Variants in MGRN1 observed in about 807,000 individuals in gnomAD.
MGRN1 encodes mahogunin ring finger 1.
MGRN1 carries 29 observed loss-of-function variants against 69.2 expected under a neutral mutation model. The observed-to-expected ratio is 0.42, with a 90% confidence interval of 0.31 to 0.57. The LOEUF is 0.57. Among genes scored for constraint, MGRN1 ranks in the 20% least tolerant of loss-of-function variants. The pLI is 0.15. For missense variants in MGRN1, 998 were observed against 796.2 expected (o/e 1.25, Z -3.05); for synonymous variants, 470 against 344.2 (o/e 1.37, Z -4.04).
intron 7 of MGRN1, among the ~76,000 whole-genome samples, chr16:4,665,784 C>G (rs1340577584): frequency 6.6e-6 from 1 of 151,872 alleles, no homozygotes; most frequent in Non-Finnish European, 1.5e-5. Flanking sequence ...ATTCTCCTGC[C>G]TCAGCCTCCA....
At chr16:4,650,645 C>G in intron 2 of MGRN1, 162 bp downstream of exon 2, 2 of 567,102 alleles carry the variant, frequency 3.5e-6, no homozygotes, top group Non-Finnish European at 6.1e-6. Context: ...GGCACGTGCC[C>G]TGGAATGGGT....
rs1380768180 is a variant in MGRN1, at chr16:4,683,874, G to A, written c.1560G>A (p.Leu520=). The change falls in exon 16 of 17, where the codon CTG becomes CTA. Residue 520 remains leucine (L), a synonymous_variant. Coordinates refer to ENST00000262370, the MANE Select transcript of MGRN1 (RefSeq NM_015246.4). The stretch of plus-strand genomic sequence containing the variant: ...GAGCAGCTTCCATTGAGAATGTCCT[G>A]CAGGACAGCAGCCCCGAGCACTGTG... ...GTRAASIENV[L]QDSSPEHCGR... is the part of the protein sequence containing the mutation. 1.2e-6 allele frequency: 2 copies of A among 1,611,632 alleles called. No homozygotes were observed. Among genetic ancestry groups the A allele is most frequent in the East Asian group, 2.2e-5 (1 of 44,772 alleles).
chr16:4,664,615 C>G, intron 5 of MGRN1, 94 bp from the exon 6 acceptor site: 6 of 1,331,070 alleles, frequency 4.5e-6, no homozygotes, highest in Non-Finnish European at 6.5e-6. Flanking sequence ...GCCTCCTGCT[C>G]CTGCCTGCTT....
intron 1 of MGRN1, among the ~76,000 whole-genome samples, chr16:4,633,047 T>G (rs1898089253): frequency 6.6e-6 from 1 of 152,158 alleles, no homozygotes; most frequent in Non-Finnish European, 1.5e-5. Flanking sequence ...TGCCCCACTG[T>G]ACTCCAGCCT....
At chr16:4,683,098 G>T in intron 14 of MGRN1, 126 bp from the exon 15 acceptor site, 1 of 1,511,316 alleles carries the variant, frequency 6.6e-7, no homozygotes, top group East Asian at 2.3e-5. Context: ...GCCTCGGTCT[G>T]TGGAGGCAGC....
intron 10 of MGRN1, among the ~76,000 whole-genome samples, chr16:4,675,096 C>T (rs2079027815): frequency 6.6e-6 from 1 of 152,172 alleles, no homozygotes; most frequent in Non-Finnish European, 1.5e-5. Context: ...ACTCAGCCTC[C>T]TGAGTTGCTG....
At chr16:4,644,130 A>G (rs754353431) in intron 1 of MGRN1, among the ~76,000 whole-genome samples, 26 of 151,436 alleles carry the variant, frequency 1.7e-4, no homozygotes, top group Non-Finnish European at 2.5e-4. Flanking sequence ...GGCATGTACT[A>G]CCACTCCCGG....
At chr16:4,686,140 A>C in intron 16 of MGRN1, 1 of 1,169,232 alleles carries the variant, frequency 8.6e-7, no homozygotes, top group Admixed American at 2.5e-5. Flanking sequence ...GTTGCAGCAG[A>C]GTGTTTGTTT....
In MGRN1 at chr16:4,664,251, C is replaced by T. The variant is rs553468758; in HGVS notation, c.562-458C>T. 2.2e-5 allele frequency: 5 copies of T among 229,686 alleles called. No homozygotes were observed. In the South Asian group the frequency reaches 3.0e-4, roughly 14 times the overall value. The allele number at this position is 229,686 out of a possible 1,614,324, so 14.2% of individuals were successfully genotyped here. ...ACCGTGGGTGAACTTTGGAAACATACCTAGACACAGAAGGTCACCTGTTGT... is the reference window on the plus strand; with the variant it reads ...ACCGTGGGTGAACTTTGGAAACATATCTAGACACAGAAGGTCACCTGTTGT... On this transcript the variant is annotated intron_variant, in intron 5 of 16. Transcript: ENST00000262370.
chr16:4,657,699 T>A (rs1406085263), intron 5 of MGRN1, among the ~76,000 whole-genome samples: 1 of 152,118 alleles, frequency 6.6e-6, no homozygotes, highest in African/African-American at 2.4e-5. Context: ...CTTCAAGCTT[T>A]TTAACCTTAC....
intron 7 of MGRN1, among the ~76,000 whole-genome samples, chr16:4,666,999 C>T (rs1567214216): frequency 6.6e-6 from 1 of 152,182 alleles, no homozygotes; most frequent in South Asian, 2.1e-4. Flanking sequence ...CTTGGTGCCT[C>T]GGTGGCCCCG....
At chr16:4,671,894 G>T (rs1418249893) in intron 9 of MGRN1, among the ~76,000 whole-genome samples, 2 of 152,176 alleles carry the variant, frequency 1.3e-5, no homozygotes, top group East Asian at 3.8e-4. Context: ...TGTAGCAGGG[G>T]ATGAAATTAG....
chr16:4,650,417 C>G lies in MGRN1; in HGVS notation c.141C>G (p.Pro47=), dbSNP rs35046817. The change falls in exon 2 of 17, where the codon CCC becomes CCG. Residue 47 remains proline, a synonymous_variant. Coordinates refer to ENST00000262370, the MANE Select transcript of MGRN1 (RefSeq NM_015246.4). ...FFMGGEKFDT[P]HPEGYLFGEN... ...TGGGAGGAGAGAAATTCGACACCCC[C>G]CACCCTGAAGGTTACCTCTTTGGAG... 6.2e-7 allele frequency: 1 copy of G among 1,614,104 alleles called. No homozygotes were observed. The highest frequency in any genetic ancestry group is 1.1e-5 in the South Asian group (1 of 91,064).
intron 16 of MGRN1, chr16:4,687,746 G>A (rs2079364835): frequency 4.1e-6 from 4 of 985,470 alleles, no homozygotes; most frequent in Non-Finnish European, 4.8e-6. Context: ...CAGCCTGCTG[G>A]GAGGTGCCTG....
intron 1 of MGRN1, among the ~76,000 whole-genome samples, chr16:4,646,626 C>G (rs2078279783): frequency 6.6e-6 from 1 of 152,168 alleles, no homozygotes; most frequent in Non-Finnish European, 1.5e-5. Flanking sequence ...TTAGAAGCCA[C>G]ACACCATCAT....
rs869090061 is a variant in MGRN1 at position 4,632,007 on chromosome 16, C to CTTTTTTTTT, written c.88+6975_88+6983dup. Among the ~76,000 whole-genome samples the CTTTTTTTTT allele has an allele frequency of 5.4e-4, 35 of 64,856 alleles. 3 individuals are homozygous for CTTTTTTTTT. The highest frequency in any genetic ancestry group is 1.4e-3 in the African/African-American group (20 of 14,544). The allele number at this position is 64,856 out of a possible 152,430, so 42.5% of individuals were successfully genotyped here. On this transcript the variant is annotated intron_variant, in intron 1 of 16. Coordinates refer to ENST00000262370, the MANE Select transcript of MGRN1 (RefSeq NM_015246.4). ...CAATCTAGTAGTGATAAAAAATTTC[C>CTTTTTTTTT]TTTTTTTTTTTTTTTTTTTTTTTTG...
intron 1 of MGRN1, among the ~76,000 whole-genome samples, chr16:4,646,450 G>C (rs2078276870): frequency 6.6e-6 from 1 of 151,802 alleles, no homozygotes; most frequent in Non-Finnish European, 1.5e-5. Context: ...TGGGTGGGCT[G>C]TGGTCCTCTG....
At position 4,651,970 on chromosome 16, in the gene MGRN1, A is replaced by G. The variant is rs760385142; in HGVS notation, c.215A>G (p.Tyr72Cys). 3 of 1,613,842 alleles carry G rather than the reference A, an allele frequency of 1.9e-6. No individual in the cohort carries two copies. The South Asian group carries it at 3.3e-5, about 18-fold the overall frequency. The change falls in exon 3 of 17, where the codon TAC becomes TGC. Residue 72 changes from tyrosine (Y) to cysteine (C), a missense_variant. By Grantham distance (194) the Tyr-to-Cys change is radical. Transcript: ENST00000262370. The stretch of plus-strand genomic sequence containing the variant: ...CTGTGGTTTTTCTCCTAGTTTCCCT[A>G]CGTCACTCCTGCCCCCCACGAGCCC... ...FLGSRPVQFP[Y>C]VTPAPHEPVK...
At chr16:4,663,588 G>A (rs1161752264) in intron 5 of MGRN1, among the ~76,000 whole-genome samples, 2 of 152,156 alleles carry the variant, frequency 1.3e-5, no homozygotes, top group African/African-American at 4.8e-5. Flanking sequence ...GCCAGACACC[G>A]AGGATGTCAT....
Sources: allele counts gnomAD v4.1 joint callset (sites outside exome capture counted in the v4.1 genomes callset), GRCh38; gene constraint gnomAD v4.1.1; transcripts MANE v1.5; gene names NCBI Gene and HGNC (gene_info 2026-07-23, HGNC 2026-07-21).